The following PRMT8 variants were observed in gnomAD, a reference collection of about 807,000 sequenced individuals.
PRMT8 encodes the protein protein arginine methyltransferase 8, also known as protein arginine N-methyltransferase 8.
In PRMT8, 7 loss-of-function variants were observed where a neutral mutation model predicts 47.1. The observed-to-expected ratio is 0.15, with a 90% CI of 0.08 to 0.28. PRMT8 has a LOEUF of 0.28. Among genes scored for constraint, PRMT8 ranks in the 10% least tolerant of loss-of-function variants. The probability of loss-of-function intolerance (pLI) is 1.00; values close to 1 mark genes in which losing one functional copy is unlikely to be tolerated. For missense variants in PRMT8, 237 were observed against 505.4 expected (o/e 0.47, Z 5.09); for synonymous variants, 188 against 186.5 (o/e 1.01, Z -0.07).
At chr12:3,445,530 G>A (rs1864847315) in intron 1 of PRMT8, among the ~76,000 whole-genome samples, 1 of 151,982 alleles carries the variant, frequency 6.6e-6, no homozygotes, top group Admixed American at 6.6e-5. Flanking sequence ...CGTTACTACT[G>A]CAGCTATGGT....
At chr12:3,465,159 A>T (rs776350746) in intron 1 of PRMT8, among the ~76,000 whole-genome samples, 2,200 of 57,498 alleles carry the variant, frequency 0.038, 33 homozygotes, top group Middle Eastern at 0.15. Flanking sequence ...ATTTTTTTAT[A>T]AAAAAATATA....
At chr12:3,471,169 A>C (rs1214959048) in intron 1 of PRMT8, among the ~76,000 whole-genome samples, 1 of 151,932 alleles carries the variant, frequency 6.6e-6, no homozygotes, top group Non-Finnish European at 1.5e-5. Context: ...CTGAGACCCA[A>C]AGCCTTGACC....
Position 3,535,266 on chromosome 12 carries a change from C to T in PRMT8, c.76-5340C>T, listed in dbSNP as rs1172472055. Among the ~76,000 whole-genome samples, 1 of 152,244 alleles carries T rather than the reference C, an allele frequency of 6.6e-6. No homozygotes were observed. Among genetic ancestry groups the T allele is most frequent in the Non-Finnish European group, 1.5e-5 (1 of 68,044 alleles). ...TCTCTGCATTTAGTGGGCCCGAGGC[C>T]TGTTCACCCCAGTAGAGTGGGTAGA... On this transcript the variant is annotated intron_variant, in intron 1 of 9. Transcript: ENST00000382622. This position sits in a 1 kb window ranked among gnomAD's most constrained non-coding sequence, Gnocchi z 4.7.
rs1865397824 is a variant in PRMT8 at position 3,491,546 on chromosome 12, T to A, written c.-80T>A. On this transcript the variant is annotated 5_prime_UTR_variant, in exon 1 of 10. Coordinates refer to ENST00000382622, the MANE Select transcript of PRMT8 (RefSeq NM_019854.5). ...TTGGATTTTTTTTTTTCTCCCATCCTCTCGCTCTCTCTTTTAAAGCGACAC... is the reference window on the plus strand; with the variant it reads ...TTGGATTTTTTTTTTTCTCCCATCCACTCGCTCTCTCTTTTAAAGCGACAC... 2 of 1,499,356 alleles carry A rather than the reference T, an allele frequency of 1.3e-6. No homozygotes were observed. The highest frequency in any genetic ancestry group is 4.7e-5 in the East Asian group (2 of 42,702). The allele number at this position is 1,499,356 out of a possible 1,614,324, so 92.9% of individuals were successfully genotyped here.
intron 1 of PRMT8, among the ~76,000 whole-genome samples, chr12:3,405,728 G>C (rs1471840434): frequency 2.6e-5 from 4 of 152,202 alleles, no homozygotes; most frequent in African/African-American, 9.6e-5. Context: ...CTCACATCCA[G>C]GTCATGCTGA....
chr12:3,550,484 T>C lies in PRMT8; in HGVS notation c.417+393T>C. 5.1e-6 allele frequency: 1 copy of C among 195,116 alleles called. No homozygotes were observed. The highest frequency in any genetic ancestry group is 1.3e-4 in the South Asian group (1 of 7,882). 12.1% of individuals were successfully genotyped at this position (195,116 alleles called of 1,614,324 possible). ...CTTGGACTATTCACTTCCCTGCACCTCACTTTTTCTCCATCTATAAAATGA... is the reference window on the plus strand; with the variant it reads ...CTTGGACTATTCACTTCCCTGCACCCCACTTTTTCTCCATCTATAAAATGA... On this transcript the variant is annotated intron_variant, in intron 3 of 9. Transcript: ENST00000382622. This position sits in a 1 kb window ranked among gnomAD's most constrained non-coding sequence, Gnocchi z 5.1.
intron 1 of PRMT8, among the ~76,000 whole-genome samples, chr12:3,386,791 C>T (rs980541231): frequency 9.2e-5 from 14 of 151,658 alleles, no homozygotes; most frequent in African/African-American, 3.4e-4. Flanking sequence ...CTCACTGCAA[C>T]TTCTGTCTCC....
upstream of PRMT8, among the ~76,000 whole-genome samples, chr12:3,490,675 AAG>A (rs370069857): frequency 0.055 from 6,600 of 120,860 alleles, 192 homozygotes; most frequent in East Asian, 0.11. Flanking sequence ...TTTGGGTACA[AAG>A]AGAGAGAGAG....
intron 8 of PRMT8, among the ~76,000 whole-genome samples, chr12:3,588,825 T>C (rs1356170034): frequency 6.6e-6 from 1 of 152,170 alleles, no homozygotes; most frequent in Non-Finnish European, 1.5e-5. Flanking sequence ...CAGGGAGGCA[T>C]CTTCAGAATG....
At position 3,566,167 on chromosome 12, in the gene PRMT8, T is replaced by G. The variant is rs1866718437; in HGVS notation, c.482-2539T>G. 2.0e-5 allele frequency among the ~76,000 whole-genome samples: 3 copies of G among 152,192 alleles called. No homozygotes were observed. The highest frequency in any genetic ancestry group is 7.2e-5 in the African/African-American group (3 of 41,450). ...AGGCAAGCCAGGCTTTGCATGCAAATGATTAGGCAGGTGAGTCATGCATAT... is the reference window on the plus strand; with the variant it reads ...AGGCAAGCCAGGCTTTGCATGCAAAGGATTAGGCAGGTGAGTCATGCATAT... On this transcript the variant is annotated intron_variant, in intron 4 of 9. Transcript: ENST00000382622. The surrounding 1 kb of genome is among the most constrained non-coding windows in gnomAD (Gnocchi z 4.7).
chr12:3,467,734 C>G (rs558322103), intron 1 of PRMT8, among the ~76,000 whole-genome samples: 1 of 152,222 alleles, frequency 6.6e-6, no homozygotes, highest in Non-Finnish European at 1.5e-5. Context: ...GGCTAGAAAG[C>G]AGTTTCACCG....
intron 1 of PRMT8, among the ~76,000 whole-genome samples, chr12:3,403,467 TAAAATA>T: frequency 6.8e-6 from 1 of 147,126 alleles, no homozygotes; most frequent in East Asian, 2.0e-4. Context: ...CCCCTGAACT[TAAAATA>T]AAAGTTGAAG....
In PRMT8 at chr12:3,591,436, G is replaced by T. The variant is rs560180968; in HGVS notation, c.980-795G>T. On this transcript the variant is annotated intron_variant, in intron 8 of 9. Transcript: ENST00000382622. ...TTTTTTTTTTTTTTTTTTGAGACAGGGTCTCACTCACTGGTTTGCACCCAG... is the reference window on the plus strand; with the variant it reads ...TTTTTTTTTTTTTTTTTTGAGACAGTGTCTCACTCACTGGTTTGCACCCAG... 2.8e-5 allele frequency among the ~76,000 whole-genome samples: 4 copies of T among 142,786 alleles called. No homozygotes were observed. In the South Asian group the frequency reaches 6.6e-4, roughly 24 times the overall value. 93.7% of individuals were successfully genotyped at this position (142,786 alleles called of 152,430 possible). A position where few individuals can be genotyped will look rare whatever the true frequency, so the allele number is the denominator to read the frequency against.
intron 3 of PRMT8, chr12:3,553,277 G>A (rs1042195458): frequency 2.8e-5 from 8 of 283,874 alleles, no homozygotes; most frequent in Non-Finnish European, 4.7e-5. Context: ...AGGGAGGCTC[G>A]CAACTCTGGC....
chr12:3,385,267 A>T (rs1565395322), intron 1 of PRMT8, among the ~76,000 whole-genome samples: 2 of 152,204 alleles, frequency 1.3e-5, no homozygotes, highest in African/African-American at 2.4e-5. Flanking sequence ...GCCTACGAAG[A>T]TTAAGGAAGT....
At chr12:3,585,715 A>G (rs1867158868) in intron 8 of PRMT8, among the ~76,000 whole-genome samples, 1 of 152,116 alleles carries the variant, frequency 6.6e-6, no homozygotes. Flanking sequence ...TCAGCCAGGC[A>G]GTGCTGGTGC....
intron 1 of PRMT8, among the ~76,000 whole-genome samples, chr12:3,390,307 G>A (rs897020680): frequency 1.3e-5 from 2 of 152,208 alleles, no homozygotes; most frequent in Non-Finnish European, 2.9e-5. Flanking sequence ...TTAGACCAAC[G>A]CAGTGAAAAG....
chr12:3,490,136 A>G (rs1201923475), upstream of PRMT8, among the ~76,000 whole-genome samples: 1 of 152,170 alleles, frequency 6.6e-6, no homozygotes, highest in African/African-American at 2.4e-5. Context: ...ACAGAGATGA[A>G]GTGAAGACAG....
intron 1 of PRMT8, among the ~76,000 whole-genome samples, chr12:3,388,197 C>A (rs189970834): frequency 3.5e-4 from 54 of 152,228 alleles, no homozygotes; most frequent in African/African-American, 1.3e-3. Flanking sequence ...CCCTCAACCC[C>A]GTTTCATGAC....
Sources: gnomAD v4.1 joint callset for allele counts (sites outside exome capture counted in the v4.1 genomes callset) on GRCh38, gnomAD v4.1.1 for gene constraint, Gnocchi (gnomAD v3.1) non-coding constraint, MANE v1.5 for transcripts, NCBI Gene and HGNC (gene_info 2026-07-23, HGNC 2026-07-21) for gene names.